The following PALLD variants were observed in gnomAD, a reference collection of about 807,000 sequenced individuals.
PALLD encodes the protein palladin, cytoskeletal associated protein, also known as palladin.
PALLD carries 61 observed loss-of-function variants against 123.5 expected under a neutral mutation model. That is an observed-to-expected ratio of 0.49 (90% CI 0.40 to 0.61). The LOEUF is 0.61. Ranked by LOEUF, PALLD falls within the 20% of genes least tolerant of loss-of-function variation. The probability of loss-of-function intolerance (pLI) is 0.00; values close to 1 mark genes in which losing one functional copy is unlikely to be tolerated. For synonymous variants in PALLD, 465 were observed against 496.4 expected (o/e 0.94, Z 0.84); for missense variants, 1,273 against 1,377.0 (o/e 0.92, Z 1.20).
At chr4:168,776,485 C>T (rs956406004) in intron 10 of PALLD, among the ~76,000 whole-genome samples, 3 of 152,150 alleles carry the variant, frequency 2.0e-5, no homozygotes, top group Non-Finnish European at 4.4e-5. Context: ...AAACTAGATG[C>T]CTGCTATTTA....
At chr4:168,666,222 C>T (rs1779636978) in intron 2 of PALLD, among the ~76,000 whole-genome samples, 1 of 152,080 alleles carries the variant, frequency 6.6e-6, no homozygotes, top group South Asian at 2.1e-4. Context: ...GAAACGAATC[C>T]TTCTCTCTAT....
chr4:168,668,023 C>T (rs1486555746), intron 2 of PALLD, among the ~76,000 whole-genome samples, 167 bp from the exon 3 acceptor site: 6 of 152,060 alleles, frequency 3.9e-5, no homozygotes, highest in Non-Finnish European at 5.9e-5. Context: ...TCATTAATTT[C>T]ACAGTCTAAA....
intron 10 of PALLD, among the ~76,000 whole-genome samples, chr4:168,734,556 A>G (rs1252330839): frequency 2.0e-5 from 3 of 152,202 alleles, no homozygotes; most frequent in Admixed American, 1.3e-4. Flanking sequence ...TTTCAGCTCA[A>G]GTGAGCCATT....
intron 2 of PALLD, among the ~76,000 whole-genome samples, chr4:168,614,734 A>G (rs1485067472): frequency 6.6e-6 from 1 of 152,226 alleles, no homozygotes; most frequent in East Asian, 1.9e-4. Flanking sequence ...AAAAGAACCT[A>G]ATGCTGAAAA....
chr4:168,665,014 G>A (rs539939244), intron 2 of PALLD, among the ~76,000 whole-genome samples: 206 of 152,234 alleles, frequency 1.4e-3, no homozygotes, highest in African/African-American at 4.5e-3. Flanking sequence ...AGGGTTTTTT[G>A]TTAAATGGAA....
rs746599370 is a variant in PALLD at position 168,925,087 on chromosome 4, C to T, written c.3358+9C>T. 2 of 1,613,628 alleles carry T rather than the reference C, an allele frequency of 1.2e-6. No individual in the cohort carries two copies. Among genetic ancestry groups the T allele is most frequent in the Non-Finnish European group, 1.7e-6 (2 of 1,179,714 alleles). On this transcript the variant is annotated intron_variant, in intron 20 of 21. Coordinates refer to ENST00000505667, the MANE Select transcript of PALLD (RefSeq NM_001166108.2). ...CAGGCTGGACGTTTACAGTGAGTGC[C>T]ACTTCATCTCATTTCATTGCGTTTA...
intron 10 of PALLD, among the ~76,000 whole-genome samples, chr4:168,890,571 G>A (rs1471200818): frequency 1.3e-5 from 2 of 151,730 alleles, no homozygotes; most frequent in African/African-American, 4.8e-5. Context: ...AACTTAATAC[G>A]AGATAGAGTC....
chr4:168,604,548 A>T (rs1772979945), intron 2 of PALLD, among the ~76,000 whole-genome samples: 1 of 152,256 alleles, frequency 6.6e-6, no homozygotes, highest in African/African-American at 2.4e-5. Flanking sequence ...ACAACGCTTG[A>T]TTAAGGCATA....
intron 2 of PALLD, among the ~76,000 whole-genome samples, chr4:168,535,208 T>C (rs10020714): frequency 0.42 from 63,447 of 151,994 alleles, 14,356 homozygotes; most frequent in African/African-American, 0.6. Flanking sequence ...CACTCCCCCA[T>C]AGATACTGAG....
chr4:168,606,777 G>GT (rs1773227035), intron 2 of PALLD, among the ~76,000 whole-genome samples: 2 of 151,710 alleles, frequency 1.3e-5, no homozygotes, highest in Non-Finnish European at 1.5e-5. Context: ...GCAGTCTAGT[G>GT]TCCCCTTTGA....
chr4:168,549,897 C>A (rs893262526), intron 2 of PALLD, among the ~76,000 whole-genome samples: 1 of 151,988 alleles, frequency 6.6e-6, no homozygotes, highest in Non-Finnish European at 1.5e-5. Flanking sequence ...AAATTCTATC[C>A]CCAAAATGAA....
intron 8 of PALLD, among the ~76,000 whole-genome samples, chr4:168,697,647 G>A (rs1581022766): frequency 2.0e-5 from 3 of 152,254 alleles, no homozygotes; most frequent in South Asian, 2.1e-4. Flanking sequence ...CCACAGAAGC[G>A]TTCTGCTTTG....
chr4:168,885,029 TAAAAC>T (rs1209855502), intron 10 of PALLD, among the ~76,000 whole-genome samples: 1 of 152,216 alleles, frequency 6.6e-6, no homozygotes, highest in Non-Finnish European at 1.5e-5. Context: ...TTTAAGTGGT[TAAAAC>T]AAAACAAACA....
chr4:168,875,902 G>C (rs1751683488), intron 10 of PALLD, among the ~76,000 whole-genome samples: 1 of 152,228 alleles, frequency 6.6e-6, no homozygotes, highest in Non-Finnish European at 1.5e-5. Context: ...ATCAGGTACA[G>C]AGCGTGATAT....
chr4:168,829,720 A>G (rs1743923726), intron 10 of PALLD, among the ~76,000 whole-genome samples: 1 of 152,182 alleles, frequency 6.6e-6, no homozygotes, highest in Admixed American at 6.5e-5. Context: ...GCCCTTTGAC[A>G]TGGGCGTAAA....
intron 2 of PALLD, among the ~76,000 whole-genome samples, chr4:168,561,642 T>C (rs1296881308): frequency 6.6e-6 from 1 of 152,206 alleles, no homozygotes; most frequent in Non-Finnish European, 1.5e-5. Context: ...ATTCATACGC[T>C]TTTTTCTTAA....
At chr4:168,600,070 TATAC>T (rs1463305945) in intron 2 of PALLD, among the ~76,000 whole-genome samples, 1 of 144,350 alleles carries the variant, frequency 6.9e-6, no homozygotes, top group Non-Finnish European at 1.5e-5. Flanking sequence ...CATACATGTG[TATAC>T]ACACACATAT....
At chr4:168,683,475 A>C (rs186008691) in intron 5 of PALLD, among the ~76,000 whole-genome samples, 2 of 152,348 alleles carry the variant, frequency 1.3e-5, no homozygotes, top group Admixed American at 1.3e-4. Context: ...ACAAGTCTGC[A>C]TACCAACAAA....
At chr4:168,561,403 A>G (rs1026161671) in intron 2 of PALLD, among the ~76,000 whole-genome samples, 1 of 152,132 alleles carries the variant, frequency 6.6e-6, no homozygotes. Flanking sequence ...CTGGGACTAC[A>G]GGCTACTACA....
Sources: gnomAD v4.1 joint callset for allele counts (sites outside exome capture counted in the v4.1 genomes callset) on GRCh38, gnomAD v4.1.1 for gene constraint, MANE v1.5 for transcripts, NCBI Gene and HGNC (gene_info 2026-07-23, HGNC 2026-07-21) for gene names.